Variants in DPP10 observed in about 807,000 individuals in gnomAD.
DPP10 encodes dipeptidyl peptidase like 10.
In DPP10, 33 loss-of-function variants were observed where a neutral mutation model predicts 120.9. That is an observed-to-expected ratio of 0.27 (90% CI 0.21 to 0.37). The LOEUF is 0.37. Ranked by LOEUF, DPP10 falls within the 10% of genes least tolerant of loss-of-function variation. The probability of loss-of-function intolerance (pLI) is 1.00; values close to 1 mark genes in which losing one functional copy is unlikely to be tolerated. For missense variants in DPP10, 816 were observed against 942.8 expected (o/e 0.87, Z 1.76); for synonymous variants, 337 against 326.1 (o/e 1.03, Z -0.36).
At chr2:115,603,132 G>A (rs1471979043) in intron 5 of DPP10, among the ~76,000 whole-genome samples, 1 of 144,664 alleles carries the variant, frequency 6.9e-6, no homozygotes, top group African/African-American at 2.6e-5. Flanking sequence ...CTGTGTGTGT[G>A]TGTGTGTGTG....
At chr2:115,807,202 C>CTAA (rs1447931278) in intron 19 of DPP10, among the ~76,000 whole-genome samples, 4 of 152,168 alleles carry the variant, frequency 2.6e-5, no homozygotes, top group Non-Finnish European at 4.4e-5. Context: ...AATTAATGTA[C>CTAA]TAAGACTTTG....
chr2:115,780,730 T>C (rs1682653389), intron 15 of DPP10, 144 bp from the exon 16 acceptor site: 1 of 589,308 alleles, frequency 1.7e-6, no homozygotes, highest in Non-Finnish European at 2.7e-6. Flanking sequence ...TTTTTATGTA[T>C]ATGGTGATTC....
At chr2:114,863,377 G>A (rs1263639091) in intron 1 of DPP10, among the ~76,000 whole-genome samples, 4 of 152,148 alleles carry the variant, frequency 2.6e-5, no homozygotes, top group African/African-American at 9.7e-5. Context: ...GGTTAGAGTC[G>A]ATCAAAAGTA....
rs67359999 is a variant in DPP10, at chr2:115,617,289, T to TATATAC, written c.442-72397_442-72396insTATACA. Among the ~76,000 whole-genome samples, 196 of 136,500 alleles carry TATATAC rather than the reference T, an allele frequency of 1.4e-3. 2 individuals are homozygous for TATATAC. The highest frequency in any genetic ancestry group is 3.4e-3 in the African/African-American group (128 of 37,376). The allele number at this position is 136,500 out of a possible 152,430, so 89.5% of individuals were successfully genotyped here. ...TATATTTTTTATATATATATATATA[T>TATATAC]ACACACATAGCATATATGTATATGC... is the stretch of plus-strand genomic sequence containing the variant. On this transcript the variant is annotated intron_variant, in intron 5 of 25. Coordinates refer to ENST00000410059, the MANE Select transcript of DPP10 (RefSeq NM_020868.6).
At chr2:115,750,181 G>T (rs1678520637) in intron 10 of DPP10, 3 of 985,182 alleles carry the variant, frequency 3.0e-6, no homozygotes, top group Non-Finnish European at 3.6e-6. Flanking sequence ...GCCAACGAGT[G>T]TGACATTTCC....
At chr2:114,660,403 C>A (rs2105542796) in intron 1 of DPP10, among the ~76,000 whole-genome samples, 1 of 152,284 alleles carries the variant, frequency 6.6e-6, no homozygotes, top group South Asian at 2.1e-4. Flanking sequence ...TCAGCAATCA[C>A]ACAAGAGGTG....
chr2:115,765,758 T>C (rs962771667), intron 12 of DPP10, among the ~76,000 whole-genome samples: 5 of 152,176 alleles, frequency 3.3e-5, no homozygotes, highest in African/African-American at 9.6e-5. Flanking sequence ...AATAGAATTA[T>C]TGACTTTATT....
At chr2:114,756,103 A>G (rs944526604) in intron 1 of DPP10, among the ~76,000 whole-genome samples, 1 of 152,236 alleles carries the variant, frequency 6.6e-6, no homozygotes, top group Non-Finnish European at 1.5e-5. Flanking sequence ...AATGTTTTGA[A>G]ACTATAAAGA....
intron 5 of DPP10, among the ~76,000 whole-genome samples, chr2:115,630,745 G>C (rs1227827742): frequency 6.6e-6 from 1 of 152,088 alleles, no homozygotes; most frequent in Non-Finnish European, 1.5e-5. Context: ...TGTATCCCAG[G>C]GATGAAGTGA....
chr2:115,498,912 T>TG (rs1211669466), intron 3 of DPP10, among the ~76,000 whole-genome samples: 1 of 151,970 alleles, frequency 6.6e-6, no homozygotes, highest in African/African-American at 2.4e-5. Flanking sequence ...CTTCTAGAGT[T>TG]GAAAAAGTTC....
intron 7 of DPP10, among the ~76,000 whole-genome samples, chr2:115,720,412 A>C (rs965768711): frequency 2.0e-5 from 3 of 152,166 alleles, no homozygotes; most frequent in African/African-American, 7.2e-5. Flanking sequence ...TAGAGGAGGA[A>C]ACTTTTCTTC....
chr2:115,441,478 T>G (rs1256173671), intron 3 of DPP10, among the ~76,000 whole-genome samples: 1 of 152,176 alleles, frequency 6.6e-6, no homozygotes, highest in Non-Finnish European at 1.5e-5. Flanking sequence ...AGATGAACTA[T>G]TCTCTCTTCT....
At chr2:115,504,475 C>A (rs1240284252) in intron 4 of DPP10, among the ~76,000 whole-genome samples, 2 of 151,732 alleles carry the variant, frequency 1.3e-5, no homozygotes, top group African/African-American at 4.8e-5. Flanking sequence ...TTGCTAGATA[C>A]CTTCATATTT....
At chr2:114,973,710 G>A (rs1012998161) in intron 1 of DPP10, among the ~76,000 whole-genome samples, 2 of 146,950 alleles carry the variant, frequency 1.4e-5, no homozygotes, top group African/African-American at 5.0e-5. Context: ...CCTCAGGCAG[G>A]TCTCTTAGGA....
intron 2 of DPP10, among the ~76,000 whole-genome samples, chr2:115,316,496 T>C (rs1204623742): frequency 1.3e-5 from 2 of 152,046 alleles, no homozygotes; most frequent in African/African-American, 4.8e-5. Context: ...AGGATTGAGG[T>C]GTAAAAATTT....
At chr2:115,138,301 A>C (rs1251198192) in intron 1 of DPP10, among the ~76,000 whole-genome samples, 1 of 152,182 alleles carries the variant, frequency 6.6e-6, no homozygotes, top group African/African-American at 2.4e-5. Context: ...GATACAACTT[A>C]ACTGTGCTGA....
intron 1 of DPP10, among the ~76,000 whole-genome samples, chr2:115,101,332 G>A (rs1222224707): frequency 6.6e-6 from 1 of 152,018 alleles, no homozygotes; most frequent in Non-Finnish European, 1.5e-5. Context: ...GATATCTCGT[G>A]GTTGGCTGAC....
intron 5 of DPP10, among the ~76,000 whole-genome samples, chr2:115,640,115 T>C (rs1027829222): frequency 6.6e-6 from 1 of 152,108 alleles, no homozygotes; most frequent in Admixed American, 6.6e-5. Flanking sequence ...AGTAAAAGGC[T>C]TCAGGCTTGC....
rs528335338 is a variant in DPP10, at chr2:115,448,950, GTC to G, written c.272-50555_272-50554del. Among the ~76,000 whole-genome samples, 310 of 152,072 alleles carry G rather than the reference GTC, an allele frequency of 2.0e-3. 1 individual carries two copies. Among genetic ancestry groups the G allele is most frequent in the African/African-American group, 6.7e-3 (277 of 41,498 alleles). On this transcript the variant is annotated intron_variant, in intron 3 of 25. Coordinates refer to ENST00000410059, the MANE Select transcript of DPP10 (RefSeq NM_020868.6). The stretch of plus-strand genomic sequence containing the variant: ...GTGAGTTCATTTGTTTTAACTTGTG[GTC>G]TCTCATACCTAGAATAGTTCTGGCC...
Sources: gnomAD v4.1 joint callset for allele counts (sites outside exome capture counted in the v4.1 genomes callset) on GRCh38, gnomAD v4.1.1 for gene constraint, MANE v1.5 for transcripts, NCBI Gene and HGNC (gene_info 2026-07-23, HGNC 2026-07-21) for gene names.